LINGO2: variants seen among roughly 807,000 people sequenced by gnomAD.
LINGO2 encodes the protein leucine rich repeat and Ig domain containing 2.
Under a neutral mutation model 30.6 loss-of-function variants are expected in LINGO2, and 14 were observed. The observed-to-expected ratio is 0.46, with a 90% CI of 0.30 to 0.72. LINGO2 has a LOEUF of 0.72. Among genes scored for constraint, LINGO2 ranks in the 30% least tolerant of loss-of-function variants. The probability of loss-of-function intolerance (pLI) is 0.07; values close to 1 mark genes in which losing one functional copy is unlikely to be tolerated. For missense variants in LINGO2, 729 were observed against 751.7 expected (o/e 0.97, Z 0.35); for synonymous variants, 317 against 288.5 (o/e 1.10, Z -1.00).
the LINGO2 span, among the ~76,000 whole-genome samples, chr9:28,768,077 T>C: frequency 6.6e-6 from 1 of 152,218 alleles, no homozygotes; most frequent in Non-Finnish European, 1.5e-5. Context: ...TTTAGTTTGC[T>C]AGCTGTAATA....
At chr9:28,792,204 C>A in the LINGO2 span, among the ~76,000 whole-genome samples, 1 of 151,710 alleles carries the variant, frequency 6.6e-6, no homozygotes, top group African/African-American at 2.4e-5. Flanking sequence ...ATTCATGCTA[C>A]AATAAGCAGG....
At chr9:29,206,279 T>C in the LINGO2 span, among the ~76,000 whole-genome samples, 1 of 152,154 alleles carries the variant, frequency 6.6e-6, no homozygotes, top group African/African-American at 2.4e-5. Flanking sequence ...TAAAGACAAT[T>C]ATTATGAGCA....
chr9:28,470,901 A>G (rs1825492742), intron 2 of LINGO2, among the ~76,000 whole-genome samples: 1 of 148,298 alleles, frequency 6.7e-6, no homozygotes. Flanking sequence ...TAGTACATAT[A>G]TGTAACAAAT....
chr9:27,985,426 T>C (rs1011379168), intron 5 of LINGO2, among the ~76,000 whole-genome samples: 7 of 151,898 alleles, frequency 4.6e-5, no homozygotes, highest in Admixed American at 2.6e-4. Context: ...AGTTAAGACA[T>C]TGCATTTGGA....
the LINGO2 span, among the ~76,000 whole-genome samples, chr9:29,094,456 T>C: frequency 7.2e-6 from 1 of 139,152 alleles, no homozygotes; most frequent in Non-Finnish European, 1.6e-5. Context: ...AAACAATTCA[T>C]CTAACTCATG....
chr9:28,722,390 A>C, the LINGO2 span, among the ~76,000 whole-genome samples: 1 of 152,120 alleles, frequency 6.6e-6, no homozygotes, highest in African/African-American at 2.4e-5. Flanking sequence ...AATCTGTATA[A>C]TTATGGAAAA....
intron 5 of LINGO2, among the ~76,000 whole-genome samples, chr9:27,982,425 A>G (rs1014089069): frequency 1.1e-4 from 17 of 151,834 alleles, no homozygotes; most frequent in Admixed American, 9.9e-4. Context: ...ATAAACACAT[A>G]CACATGCATG....
intron 5 of LINGO2, among the ~76,000 whole-genome samples, chr9:27,981,624 C>A (rs1011185056): frequency 6.7e-6 from 1 of 148,614 alleles, no homozygotes; most frequent in Non-Finnish European, 1.5e-5. Context: ...CTCTTATAAC[C>A]CACCCAGGAG....
the LINGO2 span, among the ~76,000 whole-genome samples, chr9:29,182,407 C>T: frequency 6.6e-3 from 1,001 of 152,018 alleles, 15 homozygotes; most frequent in African/African-American, 0.023. Context: ...TAAACATAAG[C>T]CTAGAACAAA....
At chr9:28,774,178 T>C in the LINGO2 span, among the ~76,000 whole-genome samples, 1 of 152,260 alleles carries the variant, frequency 6.6e-6, no homozygotes, top group African/African-American at 2.4e-5. Context: ...ATTTCAATAA[T>C]AGAGCATGAG....
At chr9:28,150,039 A>G (rs1466624155) in intron 4 of LINGO2, among the ~76,000 whole-genome samples, 42 of 135,746 alleles carry the variant, frequency 3.1e-4, no homozygotes, top group African/African-American at 1.2e-3. Context: ...CCTCCTCACC[A>G]TCTGGGAAAT....
At chr9:27,980,095 C>T (rs1047126100) in intron 5 of LINGO2, among the ~76,000 whole-genome samples, 6 of 151,786 alleles carry the variant, frequency 4.0e-5, no homozygotes, top group African/African-American at 1.5e-4. Context: ...TACCTCACTT[C>T]GAGGCAAGAA....
intron 5 of LINGO2, among the ~76,000 whole-genome samples, chr9:27,986,393 C>T (rs1189572175): frequency 1.3e-5 from 2 of 151,812 alleles, no homozygotes; most frequent in African/African-American, 2.4e-5. Flanking sequence ...CCCGTGGAAG[C>T]AGGAAGTGGG....
At chr9:28,797,410 T>C in the LINGO2 span, among the ~76,000 whole-genome samples, 1 of 100,758 alleles carries the variant, frequency 9.9e-6, no homozygotes, top group African/African-American at 3.6e-5. Flanking sequence ...CCTGCAGAAA[T>C]CACTCGGATG....
At chr9:28,675,889 A>ATGTG in the LINGO2 span, among the ~76,000 whole-genome samples, 3 of 138,998 alleles carry the variant, frequency 2.2e-5, no homozygotes, top group South Asian at 2.3e-4. Flanking sequence ...AGAAAAAAAA[A>ATGTG]TGTGTGTGTG....
chr9:28,053,206 C>T (rs1267769192), intron 4 of LINGO2, among the ~76,000 whole-genome samples: 1 of 151,986 alleles, frequency 6.6e-6, no homozygotes, highest in African/African-American at 2.4e-5. Context: ...GGCCATGTAG[C>T]ATTTATACTG....
chr9:29,181,285 C>T, the LINGO2 span, among the ~76,000 whole-genome samples: 124 of 152,228 alleles, frequency 8.1e-4, 1 homozygote, highest in Non-Finnish European at 1.4e-3. Flanking sequence ...ATGAAAATCA[C>T]CAATGGGTTC....
the LINGO2 span, among the ~76,000 whole-genome samples, chr9:28,907,357 A>G: frequency 6.6e-6 from 1 of 151,990 alleles, no homozygotes. Context: ...CATAGTGGAA[A>G]GTAGCACAAA....
At chr9:29,067,755 G>GAAA in the LINGO2 span, among the ~76,000 whole-genome samples, 1 of 124,526 alleles carries the variant, frequency 8.0e-6, no homozygotes, top group Non-Finnish European at 1.7e-5. Flanking sequence ...GTATTTAAAT[G>GAAA]AAAAAAAAAA....
Sources: gnomAD v4.1 joint callset for allele counts (sites outside exome capture counted in the v4.1 genomes callset) on GRCh38, gnomAD v4.1.1 for gene constraint, MANE v1.5 for transcripts, NCBI Gene and HGNC (gene_info 2026-07-23, HGNC 2026-07-21) for gene names.